TNNT1: variants seen among roughly 807,000 people sequenced by gnomAD.
TNNT1 encodes the protein troponin T, slow skeletal muscle.
A neutral mutation model predicts 50.6 loss-of-function variants in TNNT1; 53 were observed. The observed-to-expected ratio is 1.05, with a 90% confidence interval of 0.84 to 1.32. TNNT1 has a LOEUF of 1.32. Ranked by LOEUF, TNNT1 falls within the 40% of genes most tolerant of loss-of-function variation. The pLI is 0.00. For missense variants in TNNT1, 348 were observed against 381.7 expected (o/e 0.91, Z 0.74); for synonymous variants, 142 against 138.0 (o/e 1.03, Z -0.20).
chr19:55,133,696 G>C (rs771134413), intron 13 of TNNT1, 191 bp downstream of exon 13: 1 of 626,654 alleles, frequency 1.6e-6, no homozygotes. Context: ...AAAAAAAAAA[G>C]AAAGAAAAAG....
At chr19:55,147,477 G>A (rs1313694492) in intron 1 of TNNT1, 7 of 491,028 alleles carry the variant, frequency 1.4e-5, no homozygotes, top group Non-Finnish European at 2.1e-5. Flanking sequence ...GTCTGAGGAA[G>A]GAGGGGCTGG....
intron 4 of TNNT1, 50 bp from the exon 5 acceptor site, chr19:55,146,516 C>T: frequency 1.7e-6 from 2 of 1,154,254 alleles, no homozygotes; most frequent in Middle Eastern, 3.2e-4. Context: ...GAGGGGGGAG[C>T]GGCCACGCCC....
At chr19:55,146,382 G>A (rs1599893668) in intron 5 of TNNT1, 52 bp downstream of exon 5, 6 of 1,326,060 alleles carry the variant, frequency 4.5e-6, no homozygotes, top group Non-Finnish European at 5.9e-6. Context: ...GATATCGGGG[G>A]TCCCCCCGGG....
chr19:55,146,356 G>C (rs2085550920), intron 5 of TNNT1, 78 bp downstream of exon 5: 2 of 1,085,520 alleles, frequency 1.8e-6, no homozygotes, highest in Non-Finnish European at 2.5e-6. Flanking sequence ...GGTGGTCTTG[G>C]AGGTTGGGGC....
At chr19:55,146,628 C>A (rs984973855) in intron 4 of TNNT1, 53 bp downstream of exon 4, 4 of 1,252,204 alleles carry the variant, frequency 3.2e-6, no homozygotes, top group Admixed American at 2.7e-5. Context: ...CCGGGCCCAG[C>A]GTCCCCGCCC....
intron 10 of TNNT1, 122 bp from the exon 11 acceptor site, chr19:55,137,334 C>T: frequency 1.4e-6 from 1 of 694,338 alleles, no homozygotes; most frequent in Non-Finnish European, 2.6e-6. Flanking sequence ...GTCTGCACCC[C>T]AGGCCCATCT....
At chr19:55,145,253 G>A in intron 6 of TNNT1, 1 of 437,990 alleles carries the variant, frequency 2.3e-6, no homozygotes, top group Non-Finnish European at 4.1e-6. Flanking sequence ...CCAGGATTGG[G>A]TCACTGCACT....
At chr19:55,138,799 C>G (rs1262958663) in intron 9 of TNNT1, among the ~76,000 whole-genome samples, 1 of 152,086 alleles carries the variant, frequency 6.6e-6, no homozygotes, top group African/African-American at 2.4e-5. Flanking sequence ...GGTGATAAGA[C>G]CAGGGACTGG....
intron 5 of TNNT1, among the ~76,000 whole-genome samples, chr19:55,145,870 A>G (rs2085540270): frequency 6.6e-6 from 1 of 151,460 alleles, no homozygotes; most frequent in South Asian, 2.1e-4. Flanking sequence ...CTCTATTTAT[A>G]TGCCCAGAGC....
chr19:55,139,634 C>T (rs1026091155), intron 9 of TNNT1, among the ~76,000 whole-genome samples: 1 of 152,070 alleles, frequency 6.6e-6, no homozygotes, highest in Non-Finnish European at 1.5e-5. Context: ...TCCAGGACAA[C>T]CTTCCCATCT....
rs192719979 is a variant in TNNT1, at chr19:55,138,371, G to A, written c.388-297C>T. On this transcript the variant is annotated intron_variant, in intron 9 of 13. Transcript: ENST00000588981. ...TGGCTCACTGCAACCTCCGCCTCCCGGGTTTAAGCAATTCTCCAGCCTCAG... is the reference window on the plus strand; with the variant it reads ...TGGCTCACTGCAACCTCCGCCTCCCAGGTTTAAGCAATTCTCCAGCCTCAG... Among the ~76,000 whole-genome samples the A allele has an allele frequency of 2.2e-4, 33 of 150,498 alleles. No homozygotes were observed. The South Asian group carries it at 6.4e-3, about 29-fold the overall frequency.
intron 11 of TNNT1, 25 bp downstream of exon 11, chr19:55,137,078 A>AAC: frequency 8.3e-7 from 1 of 1,210,048 alleles, no homozygotes; most frequent in Non-Finnish European, 1.2e-6. Flanking sequence ...AGGCCCCTAC[A>AAC]CCCCGAGCCC....
chr19:55,134,097 AG>A lies in TNNT1; in HGVS notation c.718del (p.Leu240Ter). Reference sequence around the variant, plus strand: ...TTTCTGCTGTTTCAGCTTCGCCATCAGGTCGAACTTCTCAGACTCCAGCTGG... The same window carrying A: ...TTTCTGCTGTTTCAGCTTCGCCATCAGTCGAACTTCTCAGACTCCAGCTGG... ...IHQLESEKFD[L>X]MAKLKQQKYE... On this transcript the variant is annotated frameshift_variant, in exon 12 of 14. Coordinates refer to ENST00000588981, the MANE Select transcript of TNNT1 (RefSeq NM_003283.6). LOFTEE classifies it high-confidence loss of function. The A allele has an allele frequency of 6.2e-7, 1 of 1,612,794 alleles. No individual in the cohort carries two copies. The highest frequency in any genetic ancestry group is 8.5e-7 in the Non-Finnish European group (1 of 1,179,784).
rs538983331 is a variant in TNNT1, at chr19:55,141,934, AAC to A, written c.129-16_129-15del. On this transcript the variant is annotated splice_polypyrimidine_tract_variant and intron_variant, in intron 6 of 13. Coordinates refer to ENST00000588981, the MANE Select transcript of TNNT1 (RefSeq NM_003283.6). ...ACCACGGGGCGGCTGAGTGGACAGA[AAC>A]ACAGAGACCATGAGTGGCCCGACCT... is the stretch of plus-strand genomic sequence containing the variant. The A allele has an allele frequency of 2.2e-5, 36 of 1,613,834 alleles. No individual in the cohort carries two copies. In the Middle Eastern group the frequency reaches 8.3e-4, roughly 37 times the overall value.
rs1006942899 is a variant in TNNT1 at position 55,138,557 on chromosome 19, C to T, written c.388-483G>A. On this transcript the variant is annotated intron_variant, in intron 9 of 13. Coordinates refer to ENST00000588981, the MANE Select transcript of TNNT1 (RefSeq NM_003283.6). ...CCTCCCGGAGTGCTGGGATTACAGG[C>T]GTGAGCCACCGCACCTGGCCCCCTT... is the stretch of plus-strand genomic sequence containing the variant. Among the ~76,000 whole-genome samples, 16 of 152,306 alleles carry T rather than the reference C, an allele frequency of 1.1e-4. No individual in the cohort carries two copies. The South Asian group carries it at 2.5e-3, about 24-fold the overall frequency.
Position 55,137,196 on chromosome 19 carries a change from C to T in TNNT1, c.518G>A (p.Gly173Asp), listed in dbSNP as rs1209124378. 6.2e-6 allele frequency: 10 copies of T among 1,612,938 alleles called. No homozygotes were observed. Among genetic ancestry groups the T allele is most frequent in the Non-Finnish European group, 7.6e-6 (9 of 1,179,376 alleles). The change falls in exon 11 of 14, where the codon GGT becomes GAT. Residue 173 changes from glycine (G) to aspartate (D), a missense_variant. This residue lies in a region of TNNT1 where 253 missense variants were observed against 291.8 expected (regional missense o/e 0.87). Transcript: ENST00000588981. ...CATCTCCCGCCCCGTCTGCCGCTTA[C>T]CACGCTTCTGTTCTGCCTGAGGGTG... ...GYLVKAEQKR[G>D]KRQTGREMKV... is the part of the protein sequence containing the mutation.
rs765842187 is a variant in TNNT1, at chr19:55,140,906, G to A, written c.364C>T (p.Arg122Cys). Reference sequence around the variant, plus strand: ...ACCGCCAGCTTAGCCTGACGTTCGCGTTCCTTCTCAGTTCTGAAGCGCTGT... The same window carrying A: ...ACCGCCAGCTTAGCCTGACGTTCGCATTCCTTCTCAGTTCTGAAGCGCTGT... ...EQQRFRTEKERERQAKLAEEK... is the reference protein window; with the variant it reads ...EQQRFRTEKECERQAKLAEEK... Residue 122 changes from arginine (R) to cysteine (C), a missense_variant, in exon 9 of 14, where the codon CGC becomes TGC. Around this residue, in one of 3 missense-constraint regions of TNNT1, gnomAD observed 253 missense variants for 291.8 expected, o/e 0.87. Transcript: ENST00000588981. 7 of 1,613,640 alleles carry A rather than the reference G, an allele frequency of 4.3e-6. No individual in the cohort carries two copies. Among genetic ancestry groups the A allele is most frequent in the South Asian group, 1.1e-5 (1 of 91,060 alleles).
intron 9 of TNNT1, 125 bp from the exon 10 acceptor site, chr19:55,138,199 G>C (rs1336839220): frequency 5.3e-5 from 82 of 1,540,958 alleles, no homozygotes; most frequent in Non-Finnish European, 5.6e-5. Context: ...TGGGACATCA[G>C]AACCAGCAGA....
intron 1 of TNNT1, chr19:55,148,195 T>C (rs2085616360): frequency 6.6e-6 from 1 of 151,798 alleles, no homozygotes; most frequent in African/African-American, 2.4e-5. Context: ...ATGTCATAGA[T>C]GGTGAAACCG....
Sources: allele counts gnomAD v4.1 joint callset (sites outside exome capture counted in the v4.1 genomes callset), GRCh38; gene constraint gnomAD v4.1.1; regional missense constraint gnomAD v4.1.1; transcripts MANE v1.5; gene names NCBI Gene and HGNC (gene_info 2026-07-23, HGNC 2026-07-21).